The following SDK1 variants were observed in gnomAD, a reference collection of about 807,000 sequenced individuals.
The protein encoded by SDK1 is protein sidekick-1.
SDK1 carries 157 observed loss-of-function variants against 245.5 expected under a neutral mutation model. The ratio of observed to expected loss-of-function variants is 0.64; its 90% confidence interval spans 0.56 to 0.73. SDK1 has a LOEUF of 0.73. Among genes scored for constraint, SDK1 ranks in the 30% least tolerant of loss-of-function variants. SDK1 has a pLI of 0.00. For missense variants in SDK1, 3,583 were observed against 3,002.3 expected (o/e 1.19, Z -4.52); for synonymous variants, 1,647 against 1,278.5 (o/e 1.29, Z -6.15).
At chr7:4,049,817 G>A (rs927244651) in intron 18 of SDK1, among the ~76,000 whole-genome samples, 12 of 152,166 alleles carry the variant, frequency 7.9e-5, no homozygotes, top group Admixed American at 3.9e-4. Flanking sequence ...CACAGGCCCC[G>A]AGCAAAGGGA....
At chr7:3,455,572 G>A (rs2128593128) in intron 1 of SDK1, among the ~76,000 whole-genome samples, 1 of 152,104 alleles carries the variant, frequency 6.6e-6, no homozygotes, top group South Asian at 2.1e-4. Flanking sequence ...TTTCATCCGT[G>A]TAAAAAATTA....
chr7:3,840,643 A>G (rs1177422404), intron 5 of SDK1, among the ~76,000 whole-genome samples: 1 of 152,212 alleles, frequency 6.6e-6, no homozygotes, highest in Non-Finnish European at 1.5e-5. Flanking sequence ...GATTTCCAAC[A>G]AGCTCCCAGG....
At chr7:3,831,291 T>A (rs1341569692) in intron 5 of SDK1, among the ~76,000 whole-genome samples, 2 of 152,212 alleles carry the variant, frequency 1.3e-5, no homozygotes, top group African/African-American at 4.8e-5. Context: ...TTCTGGTGAA[T>A]TTCCTGGGGT....
Position 3,562,552 on chromosome 7 carries a change from A to T in SDK1, c.299-56528A>T, listed in dbSNP as rs76669626. Among the ~76,000 whole-genome samples the T allele has an allele frequency of 9.8e-5, 15 of 152,332 alleles. No individual in the cohort carries two copies. The East Asian group carries it at 2.9e-3, about 29-fold the overall frequency. On this transcript the variant is annotated intron_variant, in intron 1 of 44. Transcript: ENST00000404826. ...GGGCTTTAGCTTCTGTATAGTGGCT[A>T]AGTAGACGGGTAGCTGCAGCCTGTG...
At chr7:3,348,862 C>CTT (rs1780579367) in intron 1 of SDK1, among the ~76,000 whole-genome samples, 1 of 152,132 alleles carries the variant, frequency 6.6e-6, no homozygotes, top group African/African-American at 2.4e-5. Context: ...TTATTAACTA[C>CTT]TTAAGGTTTA....
chr7:3,824,882 A>T (rs1007691211), intron 5 of SDK1, among the ~76,000 whole-genome samples: 1 of 152,130 alleles, frequency 6.6e-6, no homozygotes, highest in Admixed American at 6.6e-5. Flanking sequence ...TTATCTCTCA[A>T]CATTTCTCCC....
At chr7:4,025,285 C>G (rs747638267) in intron 17 of SDK1, among the ~76,000 whole-genome samples, 1 of 152,206 alleles carries the variant, frequency 6.6e-6, no homozygotes. Context: ...AAGCTTCCGC[C>G]GAACAGAGGA....
rs532000551 is a variant in SDK1 at position 3,428,694 on chromosome 7, T to C, written c.298+126810T>C. Among the ~76,000 whole-genome samples the C allele has an allele frequency of 5.3e-5, 8 of 152,258 alleles. 1 individual carries two copies. Among genetic ancestry groups the C allele is most frequent in the African/African-American group, 1.9e-4 (8 of 41,548 alleles). On this transcript the variant is annotated intron_variant, in intron 1 of 44. Coordinates refer to ENST00000404826, the MANE Select transcript of SDK1 (RefSeq NM_152744.4). ...GCCAAGATTTGCATAAAAATCCAAT[T>C]ATTGTAAAGAGCTACTCAAAGCTAG...
intron 35 of SDK1, among the ~76,000 whole-genome samples, chr7:4,185,048 C>T (rs1189928415): frequency 2.0e-5 from 3 of 152,202 alleles, no homozygotes; most frequent in South Asian, 4.1e-4. Context: ...CTGCAGCCAA[C>T]GTCCTGAGGT....
intron 4 of SDK1, among the ~76,000 whole-genome samples, chr7:3,820,330 A>G (rs1490644312): frequency 2.6e-5 from 4 of 152,228 alleles, no homozygotes; most frequent in Admixed American, 6.5e-5. Context: ...TTGTATTTTC[A>G]GTAGAGATGA....
intron 12 of SDK1, 114 bp downstream of exon 12, chr7:3,971,682 C>T (rs971719504): frequency 3.9e-6 from 3 of 777,842 alleles, no homozygotes; most frequent in African/African-American, 3.4e-5. Flanking sequence ...GCAGCAGGTC[C>T]CTGATTACGG....
chr7:4,132,473 G>C, intron 28 of SDK1, 50 bp downstream of exon 28: 5 of 1,380,052 alleles, frequency 3.6e-6, no homozygotes, highest in Non-Finnish European at 5.0e-6. Flanking sequence ...TGTCATCCCA[G>C]CACCTTGGGA....
intron 1 of SDK1, among the ~76,000 whole-genome samples, chr7:3,313,708 T>A (rs1389066494): frequency 6.6e-6 from 1 of 152,150 alleles, no homozygotes; most frequent in African/African-American, 2.4e-5. Flanking sequence ...GATACAAAAT[T>A]TCATTTAGAA....
chr7:3,793,982 C>T (rs1778894687), intron 4 of SDK1, among the ~76,000 whole-genome samples: 1 of 152,186 alleles, frequency 6.6e-6, no homozygotes, highest in Non-Finnish European at 1.5e-5. Context: ...CTAAGGGCAC[C>T]TCCAACCCCC....
At chr7:3,365,516 T>C (rs936664891) in intron 1 of SDK1, among the ~76,000 whole-genome samples, 1 of 152,212 alleles carries the variant, frequency 6.6e-6, no homozygotes, top group African/African-American at 2.4e-5. Flanking sequence ...ATTATATATT[T>C]CTATTCATTT....
At chr7:3,631,008 C>G (rs1476550923) in intron 2 of SDK1, among the ~76,000 whole-genome samples, 1 of 152,116 alleles carries the variant, frequency 6.6e-6, no homozygotes, top group Non-Finnish European at 1.5e-5. Context: ...CAATGGTTCA[C>G]TCCAGCTTCT....
chr7:3,508,794 C>G lies in SDK1; in HGVS notation c.299-110286C>G, dbSNP rs573973642. Among the ~76,000 whole-genome samples the G allele has an allele frequency of 3.7e-4, 56 of 152,310 alleles. 2 individuals are homozygous for G. Among genetic ancestry groups the G allele is most frequent in the African/African-American group, 1.2e-3 (50 of 41,562 alleles). ...GCCCCAAACCTGTTTATTTCCCTCA[C>G]TAGGCGTGAAATTCTTTGAAGGCAG... On this transcript the variant is annotated intron_variant, in intron 1 of 44. Coordinates refer to ENST00000404826, the MANE Select transcript of SDK1 (RefSeq NM_152744.4).
intron 35 of SDK1, among the ~76,000 whole-genome samples, chr7:4,189,862 T>C (rs993405811): frequency 2.0e-5 from 3 of 152,218 alleles, no homozygotes; most frequent in African/African-American, 7.2e-5. Flanking sequence ...CATGTGGCTG[T>C]GGAAGACAGA....
rs760439265 is a variant in SDK1 at position 4,265,215 on chromosome 7, G to A, written c.6473G>A (p.Arg2158His). 4.3e-6 allele frequency: 7 copies of A among 1,610,238 alleles called. No homozygotes were observed. Among genetic ancestry groups the A allele is most frequent in the Admixed American group, 1.7e-5 (1 of 59,936 alleles). ...CCCACCTACTACAACTCATGGAAGCGCAGGGCCCAGGGCCGCGCACCTGCG... is the reference window on the plus strand; with the variant it reads ...CCCACCTACTACAACTCATGGAAGCACAGGGCCCAGGGCCGCGCACCTGCG... The part of the protein sequence containing the change: ...SDPTYYNSWK[R>H]RAQGRAPAPH... Residue 2158 changes from arginine (R) to histidine (H), a missense_variant, in exon 45 of 45, where the codon CGC becomes CAC. By Grantham distance (29) the Arg-to-His change is conservative. Coordinates refer to ENST00000404826, the MANE Select transcript of SDK1 (RefSeq NM_152744.4).
Sources: gnomAD v4.1 joint callset for allele counts (sites outside exome capture counted in the v4.1 genomes callset) on GRCh38, gnomAD v4.1.1 for gene constraint, MANE v1.5 for transcripts, NCBI Gene and HGNC (gene_info 2026-07-23, HGNC 2026-07-21) for gene names.